The following REXO1 variants were observed in gnomAD, a reference collection of about 807,000 sequenced individuals.
REXO1 encodes the protein RNA exonuclease 1 homolog.
A neutral mutation model predicts 102.6 loss-of-function variants in REXO1; 42 were observed. That is an observed-to-expected ratio of 0.41 (90% CI 0.32 to 0.53). The LOEUF is 0.53. Among genes scored for constraint, REXO1 ranks in the 20% least tolerant of loss-of-function variants. The pLI is 0.27. For missense variants in REXO1, 1,819 were observed against 1,732.5 expected (o/e 1.05, Z -0.89); for synonymous variants, 908 against 779.1 (o/e 1.17, Z -2.76).
Position 1,816,413 on chromosome 19 carries a change from C to G in REXO1, c.3456+18G>C. On this transcript the variant is annotated intron_variant, in intron 14 of 15. Transcript: ENST00000170168. Reference sequence around the variant, plus strand: ...GGTCCTGCTGGAGAACCGCGCGGGACCCGGGCCGGCAGGGCACCTTCAGGG... The same window carrying G: ...GGTCCTGCTGGAGAACCGCGCGGGAGCCGGGCCGGCAGGGCACCTTCAGGG... The G allele has an allele frequency of 1.2e-6, 2 of 1,608,236 alleles. No individual in the cohort carries two copies. Among genetic ancestry groups the G allele is most frequent in the Non-Finnish European group, 1.7e-6 (2 of 1,177,788 alleles).
Position 1,826,968 on chromosome 19 carries a change from G to C in REXO1, c.1821C>G (p.Asp607Glu), listed in dbSNP as rs760371227. 6.4e-7 allele frequency: 1 copy of C among 1,569,390 alleles called. No individual in the cohort carries two copies. The highest frequency in any genetic ancestry group is 8.6e-7 in the Non-Finnish European group (1 of 1,158,244). The change falls in exon 2 of 16, where the codon GAC (aspartate) becomes GAG (glutamate). Residue 607 changes from aspartate (D) to glutamate (E), a missense_variant. Physicochemically the swap from Asp to Glu is conservative, Grantham distance 45. Coordinates refer to ENST00000170168, the MANE Select transcript of REXO1 (RefSeq NM_020695.4). This position sits in a 1 kb window ranked among gnomAD's most constrained non-coding sequence, Gnocchi z 4.3. ...VDYSALEKEV[D>E]FDSDPMEECL... ...ACTCCTCCATGGGGTCGGAGTCAAA[G>C]TCCACCTCCTTCTCCAGGGCCGAGT...
Position 1,828,618 on chromosome 19 carries a change from G to C in REXO1, c.171C>G (p.Asp57Glu), listed in dbSNP as rs573267718. 3 of 1,599,878 alleles carry C rather than the reference G, an allele frequency of 1.9e-6. No homozygotes were observed. Among genetic ancestry groups the C allele is most frequent in the East Asian group, 4.5e-5 (2 of 44,838 alleles). The part of the protein sequence containing the change: ...EAPPAAGLGY[D>E]PYNPELPKPP... ...GCTTGGGCAGCTCAGGGTTGTAGGGGTCGTAACCCAGCCCTGAAGGGAACA... is the reference window on the plus strand; with the variant it reads ...GCTTGGGCAGCTCAGGGTTGTAGGGCTCGTAACCCAGCCCTGAAGGGAACA... The change falls in exon 2 of 16, where the codon GAC becomes GAG. Residue 57 changes from aspartate (D) to glutamate (E), a missense_variant. Transcript: ENST00000170168.
In REXO1 at chr19:1,826,620, G is replaced by A. The variant is rs1053574458; in HGVS notation, c.1911+258C>T. 1.3e-5 allele frequency among the ~76,000 whole-genome samples: 2 copies of A among 152,062 alleles called. No homozygotes were observed. The highest frequency in any genetic ancestry group is 2.9e-5 in the Non-Finnish European group (2 of 67,976). On this transcript the variant is annotated intron_variant, in intron 2 of 15. Coordinates refer to ENST00000170168, the MANE Select transcript of REXO1 (RefSeq NM_020695.4). This position sits in a 1 kb window ranked among gnomAD's most constrained non-coding sequence, Gnocchi z 4.3. ...CCCTGCCAGTCAGTGGGAACAGACC[G>A]TGTGCACGTGGCCACAGAAGCCTGG...
At chr19:1,848,125 C>G (rs1405393305) in intron 1 of REXO1, 77 bp downstream of exon 1, 1 of 745,234 alleles carries the variant, frequency 1.3e-6, no homozygotes, top group Non-Finnish European at 1.8e-6. Context: ...AGAACGGGGA[C>G]CCCGGGCGGG....
intron 1 of REXO1, among the ~76,000 whole-genome samples, chr19:1,840,696 C>A (rs2011237617): frequency 6.6e-6 from 1 of 151,934 alleles, no homozygotes; most frequent in Non-Finnish European, 1.5e-5. Flanking sequence ...CCACTCCCTG[C>A]AACTCCAAGT....
intron 1 of REXO1, among the ~76,000 whole-genome samples, chr19:1,843,850 A>C (rs377542188): frequency 2.0e-5 from 3 of 152,234 alleles, no homozygotes; most frequent in African/African-American, 7.2e-5. Context: ...CACCAGGAGG[A>C]GGCAGCACAG....
At chr19:1,825,299 C>CAAAAA (rs34910037) in intron 3 of REXO1, among the ~76,000 whole-genome samples, 15 of 61,072 alleles carry the variant, frequency 2.5e-4, no homozygotes, top group African/African-American at 5.8e-4. Flanking sequence ...GACTCCGTCT[C>CAAAAA]AAAAAAAAAA....
chr19:1,830,094 T>C (rs1296049977), intron 1 of REXO1, among the ~76,000 whole-genome samples: 1 of 152,076 alleles, frequency 6.6e-6, no homozygotes, highest in Admixed American at 6.6e-5. Flanking sequence ...AAGCCTCCCG[T>C]GGGGACAGGC....
At chr19:1,837,149 C>T (rs184575572) in intron 1 of REXO1, among the ~76,000 whole-genome samples, 85 of 152,318 alleles carry the variant, frequency 5.6e-4, no homozygotes, top group Middle Eastern at 3.4e-3. Flanking sequence ...GTTGTGTCCA[C>T]GGGAGCGCCC....
chr19:1,826,857 C>A lies in REXO1; in HGVS notation c.1911+21G>T, dbSNP rs1217144284. The A allele has an allele frequency of 6.4e-7, 1 of 1,560,534 alleles. No individual in the cohort carries two copies. Among genetic ancestry groups the A allele is most frequent in the South Asian group, 1.2e-5 (1 of 85,128 alleles). On this transcript the variant is annotated intron_variant, in intron 2 of 15. Coordinates refer to ENST00000170168, the MANE Select transcript of REXO1 (RefSeq NM_020695.4). The surrounding 1 kb of genome is among the most constrained non-coding windows in gnomAD (Gnocchi z 4.3). ...GGCTCTGCCTCTGCCCGAGCCCAGC[C>A]CCAGCACCCGCGCGCCTCACCTGCC...
intron 4 of REXO1, chr19:1,822,590 C>T (rs1454800110): frequency 6.6e-6 from 1 of 152,404 alleles, no homozygotes; most frequent in Non-Finnish European, 1.5e-5. Context: ...CAGCACCCAC[C>T]ACAGATCAGC....
At chr19:1,833,102 G>A (rs1016015408) in intron 1 of REXO1, among the ~76,000 whole-genome samples, 2 of 152,078 alleles carry the variant, frequency 1.3e-5, no homozygotes, top group Non-Finnish European at 2.9e-5. Context: ...TTGCATGCCT[G>A]TGGTCCCAGC....
At chr19:1,818,178 G>A (rs2069427233) in intron 10 of REXO1, among the ~76,000 whole-genome samples, 1 of 152,198 alleles carries the variant, frequency 6.6e-6, no homozygotes. Context: ...CCGCTCCTGG[G>A]GCCAGCAACC....
chr19:1,825,802 A>AG, intron 3 of REXO1, 37 bp downstream of exon 3: 1 of 1,421,088 alleles, frequency 7.0e-7, no homozygotes, highest in Non-Finnish European at 9.7e-7. Context: ...AAAAAAAAAA[A>AG]AAAGGCTCCT....
chr19:1,820,226 C>T, intron 6 of REXO1, 38 bp downstream of exon 6: 1 of 1,594,996 alleles, frequency 6.3e-7, no homozygotes, highest in Non-Finnish European at 8.5e-7. Flanking sequence ...ACCCCTAGTC[C>T]CCACCCGACC....
chr19:1,820,681 CAT>C lies in REXO1; in HGVS notation c.2395-288_2395-287del, dbSNP rs2069507467. On this transcript the variant is annotated intron_variant, in intron 5 of 15. Transcript: ENST00000170168. ...TAGAAACCTAAAGTTGCTCAAAAAACATAAAGTCTATTAATTAAAAACAAAAC... is the reference window on the plus strand; with the variant it reads ...TAGAAACCTAAAGTTGCTCAAAAAACAAAGTCTATTAATTAAAAACAAAAC... Among the ~76,000 whole-genome samples, 6 of 152,200 alleles carry C rather than the reference CAT, an allele frequency of 3.9e-5. No homozygotes were observed. In the South Asian group the frequency reaches 1.2e-3, roughly 31 times the overall value.
Position 1,827,189 on chromosome 19 carries a change from C to A in REXO1, c.1600G>T (p.Gly534Trp). Residue 534 changes from glycine (G) to tryptophan (W), a missense_variant, in exon 2 of 16, where the codon GGG becomes TGG. Coordinates refer to ENST00000170168, the MANE Select transcript of REXO1 (RefSeq NM_020695.4). ...DESEDEAAGP[G>W]VPSVWPSALP... Reference sequence around the variant, plus strand: ...GCAGAGGGCCACACGCTCGGCACCCCTGGCCCTGCGGCCTCGTCCTCACTC... The same window carrying A: ...GCAGAGGGCCACACGCTCGGCACCCATGGCCCTGCGGCCTCGTCCTCACTC... 1 of 1,540,750 alleles carries A rather than the reference C, an allele frequency of 6.5e-7. No individual in the cohort carries two copies. The highest frequency in any genetic ancestry group is 8.7e-7 in the Non-Finnish European group (1 of 1,146,666).
Position 1,825,963 on chromosome 19 carries a change from G to A in REXO1, c.1912-20C>T, listed in dbSNP as rs201333713. The stretch of plus-strand genomic sequence containing the variant: ...GGGGGGCTAAGACACATGTCCGTCC[G>A]TCAGCACAGGTCTGCCCTCGCTGCC... On this transcript the variant is annotated intron_variant, in intron 2 of 15. Coordinates refer to ENST00000170168, the MANE Select transcript of REXO1 (RefSeq NM_020695.4). The A allele has an allele frequency of 4.0e-5, 62 of 1,560,186 alleles. 1 individual carries two copies. Among genetic ancestry groups the A allele is most frequent in the East Asian group, 1.6e-4 (7 of 44,520 alleles).
At chr19:1,838,700 T>C (rs1599166598) in intron 1 of REXO1, among the ~76,000 whole-genome samples, 1 of 148,864 alleles carries the variant, frequency 6.7e-6, no homozygotes, top group East Asian at 2.0e-4. Context: ...AGGGTACAAA[T>C]GGCAAAGGAC....
Sources: allele counts gnomAD v4.1 joint callset (sites outside exome capture counted in the v4.1 genomes callset), GRCh38; gene constraint gnomAD v4.1.1; non-coding constraint Gnocchi (gnomAD v3.1); transcripts MANE v1.5; gene names NCBI Gene and HGNC (gene_info 2026-07-23, HGNC 2026-07-21).